Variants in SMAD4 observed in about 807,000 individuals in gnomAD.
SMAD4 encodes SMAD family member 4, also known as MAD homolog 4.
In SMAD4, 7 loss-of-function variants were observed where a neutral mutation model predicts 63.2. That is an observed-to-expected ratio of 0.11 (90% CI 0.06 to 0.21). SMAD4 has a LOEUF of 0.21. Ranked by LOEUF, SMAD4 falls within the 10% of genes least tolerant of loss-of-function variation. SMAD4 has a pLI of 1.00. For missense variants in SMAD4, 312 were observed against 693.8 expected (o/e 0.45, Z 6.18); for synonymous variants, 215 against 235.4 (o/e 0.91, Z 0.79).
intron 1 of SMAD4, among the ~76,000 whole-genome samples, chr18:51,031,933 T>G (rs1909064650): frequency 6.6e-6 from 1 of 152,182 alleles, no homozygotes; most frequent in African/African-American, 2.4e-5. Context: ...ATTGGAAAGT[T>G]CTGATATGAT....
chr18:51,076,495 T>A, intron 10 of SMAD4, 143 bp from the exon 11 acceptor site: 1 of 708,914 alleles, frequency 1.4e-6, no homozygotes, highest in East Asian at 2.8e-5. Flanking sequence ...AATCACAATG[T>A]ACATAAAAGT....
At chr18:51,049,927 A>G (rs978688191) in intron 4 of SMAD4, among the ~76,000 whole-genome samples, 7 of 152,236 alleles carry the variant, frequency 4.6e-5, no homozygotes, top group African/African-American at 1.4e-4. Flanking sequence ...AGAAAATGAA[A>G]TGTGAATGGG....
intron 10 of SMAD4, among the ~76,000 whole-genome samples, chr18:51,068,364 A>G (rs1433526273): frequency 3.3e-5 from 5 of 152,186 alleles, no homozygotes; most frequent in African/African-American, 4.8e-5. Context: ...TTGAAAGCCA[A>G]TTCCAAACAG....
intron 8 of SMAD4, among the ~76,000 whole-genome samples, chr18:51,062,051 A>G (rs972926029): frequency 6.6e-6 from 1 of 152,166 alleles, no homozygotes; most frequent in Non-Finnish European, 1.5e-5. Flanking sequence ...CTAGCAGTAG[A>G]TGTCATAGTT....
Position 51,073,388 on chromosome 18 carries a change from T to TATATATATATATATAAC in SMAD4, c.1309-3249_1309-3248insTATATATATATATAACA, listed in dbSNP as rs1417299090. Among the ~76,000 whole-genome samples the TATATATATATATATAAC allele has an allele frequency of 7.8e-5, 5 of 64,160 alleles. No homozygotes were observed. The Admixed American group carries it at 9.5e-4, about 12-fold the overall frequency. 42.1% of individuals were successfully genotyped at this position (64,160 alleles called of 152,430 possible). On this transcript the variant is annotated intron_variant, in intron 10 of 11. Coordinates refer to ENST00000342988, the MANE Select transcript of SMAD4 (RefSeq NM_005359.6). The stretch of plus-strand genomic sequence containing the variant: ...ATATATATATATATATATATATATA[T>TATATATATATATATAAC]ACACACACACACACACACACACACA...
At position 51,082,296 on chromosome 18, in the gene SMAD4, A is replaced by C. The variant is rs1235020241; in HGVS notation, c.*3829A>C. On this transcript the variant is annotated 3_prime_UTR_variant, in exon 12 of 12. Transcript: ENST00000342988. ...TAATCTCATATCCTCTTTTGCAAAG[A>C]CTACAGAGAATAGGCTATGACAATC... 3.5e-5 allele frequency: 8 copies of C among 228,578 alleles called. No homozygotes were observed. Among genetic ancestry groups the C allele is most frequent in the Non-Finnish European group, 6.1e-5 (7 of 115,262 alleles). The allele number at this position is 228,578 out of a possible 1,614,324, so 14.2% of individuals were successfully genotyped here.
chr18:51,073,388 T>TATATATATACACACAC (rs1417299090), intron 10 of SMAD4, among the ~76,000 whole-genome samples: 34 of 64,150 alleles, frequency 5.3e-4, no homozygotes, highest in African/African-American at 1.1e-3. Flanking sequence ...TATATATATA[T>TATATATATACACACAC]ACACACACAC....
intron 10 of SMAD4, among the ~76,000 whole-genome samples, chr18:51,068,293 A>G (rs1274507411): frequency 6.6e-6 from 1 of 152,194 alleles, no homozygotes; most frequent in African/African-American, 2.4e-5. Context: ...AGCTGCAACA[A>G]TTATCAGCAC....
intron 5 of SMAD4, among the ~76,000 whole-genome samples, chr18:51,056,273 T>C (rs980464949): frequency 7.2e-5 from 11 of 152,128 alleles, no homozygotes; most frequent in African/African-American, 2.4e-4. Context: ...TATCTGGAGA[T>C]TGAATTTCTG....
At chr18:51,050,925 G>A (rs1221682795) in intron 4 of SMAD4, among the ~76,000 whole-genome samples, 1 of 152,060 alleles carries the variant, frequency 6.6e-6, no homozygotes, top group Non-Finnish European at 1.5e-5. Context: ...ACAAGTGTGG[G>A]TTTATTATTA....
chr18:51,050,569 G>A (rs1353743979), intron 4 of SMAD4, among the ~76,000 whole-genome samples: 2 of 151,088 alleles, frequency 1.3e-5, no homozygotes, highest in African/African-American at 4.9e-5. Flanking sequence ...TGAGGCAGGA[G>A]AATGGTGTGA....
At chr18:51,071,384 G>T (rs776521885) in intron 10 of SMAD4, among the ~76,000 whole-genome samples, 2 of 151,902 alleles carry the variant, frequency 1.3e-5, no homozygotes, top group African/African-American at 4.8e-5. Flanking sequence ...CTAAATTGTG[G>T]TTTTTTTCAC....
chr18:51,070,419 A>T (rs1468469207), intron 10 of SMAD4, among the ~76,000 whole-genome samples: 1 of 152,186 alleles, frequency 6.6e-6, no homozygotes, highest in Non-Finnish European at 1.5e-5. Flanking sequence ...GTAGATAAAT[A>T]CCTTGTTGGA....
intron 3 of SMAD4, 136 bp from the exon 4 acceptor site, chr18:51,049,159 T>C: frequency 1.4e-6 from 1 of 706,544 alleles, no homozygotes; most frequent in Non-Finnish European, 2.5e-6. Context: ...AGATAGCGTT[T>C]ATGCTACTTC....
At position 51,058,089 on chromosome 18, in the gene SMAD4, T is replaced by G. The variant is rs1057118744; in HGVS notation, c.668-36T>G. On this transcript the variant is annotated intron_variant, in intron 5 of 11. Transcript: ENST00000342988. ...ATATGAAATCATAAGATGACATCTA[T>G]GAATGTACCATGTTAATGTCTTCTT... is the stretch of plus-strand genomic sequence containing the variant. 6 of 1,609,900 alleles carry G rather than the reference T, an allele frequency of 3.7e-6. No homozygotes were observed. In the African/African-American group the frequency reaches 8.0e-5, roughly 22 times the overall value.
intron 1 of SMAD4, 24 bp downstream of exon 1, chr18:51,030,647 C>T (rs1426665088): frequency 1.3e-5 from 2 of 149,722 alleles, no homozygotes; most frequent in Non-Finnish European, 3.0e-5. Context: ...GTCCCCTCCC[C>T]TTCCCCCGGC....
At chr18:51,067,482 G>A (rs1432612187) in intron 10 of SMAD4, among the ~76,000 whole-genome samples, 5 of 151,756 alleles carry the variant, frequency 3.3e-5, no homozygotes, top group African/African-American at 1.2e-4. Context: ...GCGTGATCTC[G>A]GCTCACTGCA....
chr18:51,031,765 A>G (rs1292547339), intron 1 of SMAD4, among the ~76,000 whole-genome samples: 1 of 152,026 alleles, frequency 6.6e-6, no homozygotes, highest in East Asian at 1.9e-4. Context: ...TAATTTCGTA[A>G]TTAGATTTAG....
In SMAD4 at chr18:51,058,114, T is replaced by G. The variant is rs1469889617; in HGVS notation, c.668-11T>G. 1 of 1,611,012 alleles carries G rather than the reference T, an allele frequency of 6.2e-7. No homozygotes were observed. Among genetic ancestry groups the G allele is most frequent in the Non-Finnish European group, 8.5e-7 (1 of 1,178,112 alleles). ...TGAATGTACCATGTTAATGTCTTCT[T>G]GTTCCTCTAGGTCAGCCTGCCAGTA... On this transcript the variant is annotated splice_polypyrimidine_tract_variant and intron_variant, in intron 5 of 11. Coordinates refer to ENST00000342988, the MANE Select transcript of SMAD4 (RefSeq NM_005359.6).
Sources: gnomAD v4.1 joint callset for allele counts (sites outside exome capture counted in the v4.1 genomes callset) on GRCh38, gnomAD v4.1.1 for gene constraint, MANE v1.5 for transcripts, NCBI Gene and HGNC (gene_info 2026-07-23, HGNC 2026-07-21) for gene names.